The following PID1 variants were observed in gnomAD, a reference collection of about 807,000 sequenced individuals.
The protein encoded by PID1 is phosphotyrosine interaction domain containing 1.
A neutral mutation model predicts 19.1 loss-of-function variants in PID1; 10 were observed. That is an observed-to-expected ratio of 0.52 (90% CI 0.32 to 0.89). The LOEUF (loss-of-function observed/expected upper bound fraction) is 0.89. Among genes scored for constraint, PID1 ranks in the 40% least tolerant of loss-of-function variants. The pLI, the probability that PID1 is intolerant of heterozygous loss-of-function variation, is 0.03. For missense variants in PID1, 248 were observed against 285.3 expected, an observed-to-expected ratio of 0.87 and a Z score of 0.94; for synonymous variants, 130 against 116.0, an observed-to-expected ratio of 1.12 and a Z score of -0.78.
At chr2:229,138,787 A>G (rs1027753943) in intron 2 of PID1, among the ~76,000 whole-genome samples, 1 of 151,708 alleles carries the variant, frequency 6.6e-6, no homozygotes, top group South Asian at 2.1e-4. Flanking sequence ...TTGGGGCTAG[A>G]CAAGTTACTT....
At chr2:229,051,319 A>G (rs1202326084) in intron 2 of PID1, among the ~76,000 whole-genome samples, 2 of 152,176 alleles carry the variant, frequency 1.3e-5, no homozygotes, top group South Asian at 2.1e-4. Context: ...GATTGTTATT[A>G]TCATGTGAAT....
chr2:229,176,543 A>T (rs977610718), intron 1 of PID1, among the ~76,000 whole-genome samples: 1 of 152,210 alleles, frequency 6.6e-6, no homozygotes, highest in African/African-American at 2.4e-5. Context: ...TTCCTATAAC[A>T]TACAGTCTGC....
At chr2:229,111,375 AT>A (rs1401166487) in intron 2 of PID1, among the ~76,000 whole-genome samples, 1 of 152,238 alleles carries the variant, frequency 6.6e-6, no homozygotes, top group Non-Finnish European at 1.5e-5. Flanking sequence ...TGTCCTGTAC[AT>A]CTACATTATA....
At chr2:229,081,592 T>C (rs1694669824) in intron 2 of PID1, among the ~76,000 whole-genome samples, 1 of 152,306 alleles carries the variant, frequency 6.6e-6, no homozygotes, top group South Asian at 2.1e-4. Flanking sequence ...GGCAGCAGCA[T>C]GATGAAACCA....
At chr2:229,053,744 G>A (rs1004005165) in intron 2 of PID1, among the ~76,000 whole-genome samples, 1 of 152,182 alleles carries the variant, frequency 6.6e-6, no homozygotes, top group Non-Finnish European at 1.5e-5. Context: ...TCGAACAGTT[G>A]CTCTGAAGGG....
At chr2:229,232,571 T>C (rs1162322746) in intron 1 of PID1, among the ~76,000 whole-genome samples, 1 of 150,296 alleles carries the variant, frequency 6.7e-6, no homozygotes, top group Non-Finnish European at 1.5e-5. Context: ...AAATCAGAGA[T>C]AGGAAGATAA....
chr2:229,037,395 G>A (rs1485938056), intron 2 of PID1, among the ~76,000 whole-genome samples: 2 of 152,140 alleles, frequency 1.3e-5, no homozygotes, highest in Admixed American at 6.5e-5. Flanking sequence ...CCACAATTAG[G>A]TAGTAAAGTG....
intron 2 of PID1, among the ~76,000 whole-genome samples, chr2:229,139,081 AAG>A (rs1408687231): frequency 2.9e-5 from 2 of 69,696 alleles, no homozygotes; most frequent in African/African-American, 7.2e-5. Flanking sequence ...GAAAGAAAGA[AAG>A]AAAGAAAGAA....
chr2:229,153,739 A>G (rs938879067), intron 2 of PID1, among the ~76,000 whole-genome samples: 4 of 152,206 alleles, frequency 2.6e-5, no homozygotes, highest in African/African-American at 9.6e-5. Context: ...TCTCTTACAA[A>G]CACACACACA....
At chr2:229,132,906 T>TA (rs1259084685) in intron 2 of PID1, among the ~76,000 whole-genome samples, 1 of 152,232 alleles carries the variant, frequency 6.6e-6, no homozygotes, top group Non-Finnish European at 1.5e-5. Flanking sequence ...ATACACAAAG[T>TA]AAAGATCAAG....
rs563087874 is a variant in PID1, at chr2:229,031,493, G to A, written c.178-5385C>T. Among the ~76,000 whole-genome samples the A allele has an allele frequency of 1.2e-4, 19 of 152,124 alleles. 1 individual carries two copies. Among genetic ancestry groups the A allele is most frequent in the African/African-American group, 4.1e-4 (17 of 41,502 alleles). On this transcript the variant is annotated intron_variant, in intron 2 of 2. Transcript: ENST00000392055. Reference sequence around the variant, plus strand: ...ACTGCTTGAACCTGAAGGAGGCGGAGGTTGCAGAGGGCTATGATTGCACCA... The same window carrying A: ...ACTGCTTGAACCTGAAGGAGGCGGAAGTTGCAGAGGGCTATGATTGCACCA...
intron 1 of PID1, among the ~76,000 whole-genome samples, chr2:229,221,525 C>T (rs1305063251): frequency 1.3e-5 from 2 of 152,124 alleles, no homozygotes; most frequent in Non-Finnish European, 2.9e-5. Flanking sequence ...CTACTCCTTC[C>T]CCAGCTGTTC....
At chr2:229,050,360 T>C (rs1295335817) in intron 2 of PID1, among the ~76,000 whole-genome samples, 1 of 152,218 alleles carries the variant, frequency 6.6e-6, no homozygotes, top group Non-Finnish European at 1.5e-5. Flanking sequence ...AGAGCTCTAG[T>C]GCTCTGCCCA....
intron 1 of PID1, among the ~76,000 whole-genome samples, chr2:229,186,137 T>G (rs1691125537): frequency 6.6e-6 from 1 of 152,212 alleles, no homozygotes; most frequent in South Asian, 2.1e-4. Context: ...AATGACCTCC[T>G]TTGACTCCAT....
intron 2 of PID1, among the ~76,000 whole-genome samples, chr2:229,147,048 G>A (rs116160774): frequency 0.012 from 1,773 of 152,268 alleles, 33 homozygotes; most frequent in African/African-American, 0.041. Flanking sequence ...TTGCCAGGAA[G>A]GAGCCTTCAG....
At chr2:229,232,252 T>C (rs1024665145) in intron 1 of PID1, among the ~76,000 whole-genome samples, 2 of 151,548 alleles carry the variant, frequency 1.3e-5, no homozygotes, top group African/African-American at 2.4e-5. Context: ...TGAAACCCCA[T>C]CTCTACTAAA....
chr2:229,079,553 C>G (rs868552999), intron 2 of PID1, among the ~76,000 whole-genome samples: 27 of 152,272 alleles, frequency 1.8e-4, no homozygotes, highest in African/African-American at 6.5e-4. Flanking sequence ...CCCAGTTCTC[C>G]ACTGAGGCAT....
At chr2:229,216,514 G>T (rs1420392682) in intron 1 of PID1, among the ~76,000 whole-genome samples, 1 of 152,162 alleles carries the variant, frequency 6.6e-6, no homozygotes, top group Non-Finnish European at 1.5e-5. Flanking sequence ...TCAGAGAAAA[G>T]AGCAGAAAAA....
chr2:229,158,697 G>A lies in PID1; in HGVS notation c.31-2733C>T, dbSNP rs562251510. The stretch of plus-strand genomic sequence containing the variant: ...ACCTTAAGGACCTGGTATGGTTTAT[G>A]AAACAAACACAAGACTGAAAGAAGT... On this transcript the variant is annotated intron_variant, in intron 1 of 2. Coordinates refer to ENST00000392055, the MANE Select transcript of PID1 (RefSeq NM_001100818.2). 3.8e-4 allele frequency among the ~76,000 whole-genome samples: 58 copies of A among 152,210 alleles called. No individual in the cohort carries two copies. The South Asian group carries it at 0.012, about 31-fold the overall frequency.
Sources: gnomAD v4.1 joint callset for allele counts (sites outside exome capture counted in the v4.1 genomes callset) on GRCh38, gnomAD v4.1.1 for gene constraint, MANE v1.5 for transcripts, NCBI Gene and HGNC (gene_info 2026-07-23, HGNC 2026-07-21) for gene names.